Variants in ARL11 observed in about 807,000 individuals in gnomAD.
ARL11 encodes the protein ADP-ribosylation factor-like protein 11.
For missense variants in ARL11, 239 were observed against 250.6 expected, an observed-to-expected ratio of 0.95 and a Z score of 0.31; for synonymous variants, 91 against 111.2, an observed-to-expected ratio of 0.82 and a Z score of 1.15.
In ARL11 at chr13:49,628,812, C is replaced by T. The variant is rs74452499; in HGVS notation, c.-19+197C>T. ...TGGGATTCTTTAAAAACATATGTGG[C>T]TGGGCACAGTGGCTCACGCCTGTAA... On this transcript the variant is annotated intron_variant, in intron 1 of 1. Coordinates refer to ENST00000282026, the MANE Select transcript of ARL11 (RefSeq NM_138450.6). Among the ~76,000 whole-genome samples the T allele has an allele frequency of 5.2e-3, 796 of 152,266 alleles. 8 individuals are homozygous for T. Among genetic ancestry groups the T allele is most frequent in the East Asian group, 0.036 (184 of 5,180 alleles).
In ARL11 at chr13:49,633,229, C is replaced by A. The variant is rs996059999; in HGVS notation, c.*2191C>A. On this transcript the variant is annotated 3_prime_UTR_variant, in exon 2 of 2. Transcript: ENST00000282026. ...CTCTAGAAGGTTTAAGCTAGGTAGG[C>A]TTTCAGCCAGCAGACATGATGGGGA... is the stretch of plus-strand genomic sequence containing the variant. 12 of 167,004 alleles carry A rather than the reference C, an allele frequency of 7.2e-5. No individual in the cohort carries two copies. Among genetic ancestry groups the A allele is most frequent in the African/African-American group, 2.7e-4 (11 of 41,436 alleles). The allele number at this position is 167,004 out of a possible 1,614,324, so 10.3% of individuals were successfully genotyped here. A position where few individuals can be genotyped will look rare whatever the true frequency, so the allele number is the denominator to read the frequency against.
At chr13:49,629,572 A>G (rs971626971) in intron 1 of ARL11, among the ~76,000 whole-genome samples, 5 of 152,148 alleles carry the variant, frequency 3.3e-5, no homozygotes, top group African/African-American at 1.2e-4. Context: ...AGATACACGA[A>G]TACTTAGCAC....
rs1308577624 is a variant in ARL11, at chr13:49,633,797, G to C, written c.*2759G>C. The stretch of plus-strand genomic sequence containing the variant: ...CTTTTGCAGGGTGGGTACGTGTTTG[G>C]TTATAGCTGCTTTCAGATTGTTCCA... On this transcript the variant is annotated 3_prime_UTR_variant, in exon 2 of 2. Coordinates refer to ENST00000282026, the MANE Select transcript of ARL11 (RefSeq NM_138450.6). The C allele has an allele frequency of 1.2e-5, 2 of 167,074 alleles. No homozygotes were observed. The highest frequency in any genetic ancestry group is 2.9e-5 in the Non-Finnish European group (2 of 68,132). The allele number at this position is 167,074 out of a possible 1,614,324, so 10.3% of individuals were successfully genotyped here. A position where few individuals can be genotyped will look rare whatever the true frequency, so the allele number is the denominator to read the frequency against.
chr13:49,630,853 A>C lies in ARL11; in HGVS notation c.406A>C (p.Arg136=). Residue 136 remains arginine (R), a synonymous_variant, in exon 2 of 2, where the codon AGA becomes CGA. Transcript: ENST00000282026. ...APDALPLLKI[R]NRLSLERFQD... ...TGATGCACTTCCGCTGCTTAAGATCAGAAACAGGCTGAGTCTAGAGAGATT... is the reference window on the plus strand; with the variant it reads ...TGATGCACTTCCGCTGCTTAAGATCCGAAACAGGCTGAGTCTAGAGAGATT... The C allele has an allele frequency of 6.3e-7, 1 of 1,599,858 alleles. No individual in the cohort carries two copies. Among genetic ancestry groups the C allele is most frequent in the South Asian group, 1.1e-5 (1 of 89,686 alleles).
rs1964882826 is a variant in ARL11 at position 49,631,141 on chromosome 13, C to T, written c.*103C>T. ...TCAAACAAGAAATGCTGGCTTGGCC[C>T]GGTGGCTCATGCCTGTAATCCCAGC... On this transcript the variant is annotated 3_prime_UTR_variant, in exon 2 of 2. Transcript: ENST00000282026. 7.6e-6 allele frequency: 9 copies of T among 1,182,046 alleles called. No homozygotes were observed. In the East Asian group the frequency reaches 7.9e-5, roughly 10 times the overall value. The allele number at this position is 1,182,046 out of a possible 1,614,324, so 73.2% of individuals were successfully genotyped here.
chr13:49,630,689 C>T lies in ARL11; in HGVS notation c.242C>T (p.Thr81Ile). 6.2e-7 allele frequency: 1 copy of T among 1,614,154 alleles called. No individual in the cohort carries two copies. Among genetic ancestry groups the T allele is most frequent in the Non-Finnish European group, 8.5e-7 (1 of 1,180,044 alleles). Residue 81 changes from threonine (T) to isoleucine (I), a missense_variant, in exon 2 of 2, where the codon ACA becomes ATA. By Grantham distance (89) the Thr-to-Ile change is moderately conservative. Coordinates refer to ENST00000282026, the MANE Select transcript of ARL11 (RefSeq NM_138450.6). ...RASWKDYLEG[T>I]DILVYVLDST... ...AGCTGGAAGGACTATCTGGAAGGCACAGATATCCTCGTGTACGTGCTGGAC... is the reference window on the plus strand; with the variant it reads ...AGCTGGAAGGACTATCTGGAAGGCATAGATATCCTCGTGTACGTGCTGGAC...
chr13:49,629,220 G>C (rs1020765842), intron 1 of ARL11, among the ~76,000 whole-genome samples: 1 of 152,016 alleles, frequency 6.6e-6, no homozygotes, highest in Non-Finnish European at 1.5e-5. Flanking sequence ...CTGTGATCAT[G>C]CCACTGCAGT....
rs1470850558 is a variant in ARL11 at position 49,633,083 on chromosome 13, C to T, written c.*2045C>T. The T allele has an allele frequency of 6.0e-6, 1 of 166,856 alleles. No individual in the cohort carries two copies. 10.3% of individuals were successfully genotyped at this position (166,856 alleles called of 1,614,324 possible). On this transcript the variant is annotated 3_prime_UTR_variant, in exon 2 of 2. Transcript: ENST00000282026. The stretch of plus-strand genomic sequence containing the variant: ...TATTCCCATTTTATAAAACTACAAA[C>T]TGAGGCTCAGAGAAGGTGTGACCTC...
chr13:49,633,498 T>A lies in ARL11; in HGVS notation c.*2460T>A, dbSNP rs1315823985. Reference sequence around the variant, plus strand: ...GGGACTTGCCATTTAGGAGGATAATTTTGTGGTAGTGTGGAGGTGAAATAA... The same window carrying A: ...GGGACTTGCCATTTAGGAGGATAATATTGTGGTAGTGTGGAGGTGAAATAA... On this transcript the variant is annotated 3_prime_UTR_variant, in exon 2 of 2. Transcript: ENST00000282026. 6.0e-6 allele frequency: 1 copy of A among 166,962 alleles called. No homozygotes were observed. The highest frequency in any genetic ancestry group is 2.4e-5 in the African/African-American group (1 of 41,392). 10.3% of individuals were successfully genotyped at this position (166,962 alleles called of 1,614,324 possible). A position where few individuals can be genotyped will look rare whatever the true frequency, so the allele number is the denominator to read the frequency against.
Position 49,631,045 on chromosome 13 carries a change from C to T in ARL11, c.*7C>T. On this transcript the variant is annotated 3_prime_UTR_variant, in exon 2 of 2. Coordinates refer to ENST00000282026, the MANE Select transcript of ARL11 (RefSeq NM_138450.6). ...AGACAGCAAGAGATCTTGATCCAGA[C>T]AGAGCAGCATATCTTTGCTCATACA... The T allele has an allele frequency of 2.6e-6, 4 of 1,548,388 alleles. No homozygotes were observed. The highest frequency in any genetic ancestry group is 3.5e-6 in the Non-Finnish European group (4 of 1,142,994).
intron 1 of ARL11, chr13:49,630,212 C>T: frequency 2.1e-6 from 1 of 468,090 alleles, no homozygotes; most frequent in Non-Finnish European, 3.8e-6. Flanking sequence ...CGTTGTTTGC[C>T]TGCACAGATT....
In ARL11 at chr13:49,632,631, T is replaced by C; in HGVS notation, c.*1593T>C. The stretch of plus-strand genomic sequence containing the variant: ...GAGTTTTTTAATGGCAAGTGGCCTA[T>C]ATTTAGCACCTGTTCTCATGTTAAA... On this transcript the variant is annotated 3_prime_UTR_variant, in exon 2 of 2. Transcript: ENST00000282026. 6.0e-6 allele frequency: 1 copy of C among 167,200 alleles called. No homozygotes were observed. The allele number at this position is 167,200 out of a possible 1,614,324, so 10.4% of individuals were successfully genotyped here. A position where few individuals can be genotyped will look rare whatever the true frequency, so the allele number is the denominator to read the frequency against.
Position 49,630,520 on chromosome 13 carries a change from A to C in ARL11, c.73A>C (p.Lys25Gln). The C allele has an allele frequency of 1.9e-6, 3 of 1,613,944 alleles. No homozygotes were observed. Among genetic ancestry groups the C allele is most frequent in the Non-Finnish European group, 8.5e-7 (1 of 1,180,012 alleles). ...GATGATGGGCCTGGACTCGGCGGGC[A>C]AGACCACGCTCCTTTACAAGCTGAA... The part of the protein sequence containing the change: ...VVMMGLDSAG[K>Q]TTLLYKLKGH... Residue 25 changes from lysine to glutamine, a missense_variant, in exon 2 of 2, where the codon AAG becomes CAG. Physicochemically the swap from Lys to Gln is moderately conservative, Grantham distance 53. Coordinates refer to ENST00000282026, the MANE Select transcript of ARL11 (RefSeq NM_138450.6).
Position 49,632,201 on chromosome 13 carries a change from C to T in ARL11, c.*1163C>T, listed in dbSNP as rs988725570. On this transcript the variant is annotated 3_prime_UTR_variant, in exon 2 of 2. Transcript: ENST00000282026. ...GTAGCACATATCTTTCGTTAAAGAT[C>T]AGATCAATAAAATATTTTATTTATT... is the stretch of plus-strand genomic sequence containing the variant. 4.8e-5 allele frequency: 8 copies of T among 166,680 alleles called. No homozygotes were observed. The highest frequency in any genetic ancestry group is 1.9e-4 in the African/African-American group (8 of 41,338). 10.3% of individuals were successfully genotyped at this position (166,680 alleles called of 1,614,324 possible).
At chr13:49,629,327 G>T (rs1290036995) in intron 1 of ARL11, among the ~76,000 whole-genome samples, 5 of 152,166 alleles carry the variant, frequency 3.3e-5, no homozygotes, top group Non-Finnish European at 5.9e-5. Context: ...CATGTGGAGT[G>T]TTGTAGAAGT....
rs1217219932 is a variant in ARL11, at chr13:49,632,995, G to A, written c.*1957G>A. On this transcript the variant is annotated 3_prime_UTR_variant, in exon 2 of 2. Coordinates refer to ENST00000282026, the MANE Select transcript of ARL11 (RefSeq NM_138450.6). ...TTTATTGAGCACTTACTTGGACCAAGCACTGTGGTCTTGGTGTTTTACATA... is the reference window on the plus strand; with the variant it reads ...TTTATTGAGCACTTACTTGGACCAAACACTGTGGTCTTGGTGTTTTACATA... 6.0e-6 allele frequency: 1 copy of A among 166,900 alleles called. No individual in the cohort carries two copies. Among genetic ancestry groups the A allele is most frequent in the Admixed American group, 6.5e-5 (1 of 15,290 alleles). The allele number at this position is 166,900 out of a possible 1,614,324, so 10.3% of individuals were successfully genotyped here.
rs938958889 is a variant in ARL11, at chr13:49,633,632, G to C, written c.*2594G>C. On this transcript the variant is annotated 3_prime_UTR_variant, in exon 2 of 2. Coordinates refer to ENST00000282026, the MANE Select transcript of ARL11 (RefSeq NM_138450.6). The stretch of plus-strand genomic sequence containing the variant: ...TGAGAAAATTGAGAGCTATTATTAA[G>C]AAAAACAGTTGAGAGAGGAAGAATT... 6 of 167,172 alleles carry C rather than the reference G, an allele frequency of 3.6e-5. No homozygotes were observed. Among genetic ancestry groups the C allele is most frequent in the African/African-American group, 1.4e-4 (6 of 41,548 alleles). 10.4% of individuals were successfully genotyped at this position (167,172 alleles called of 1,614,324 possible).
At chr13:49,629,493 A>G (rs780167537) in intron 1 of ARL11, among the ~76,000 whole-genome samples, 7 of 152,130 alleles carry the variant, frequency 4.6e-5, no homozygotes, top group Non-Finnish European at 1.0e-4. Context: ...CCATAAGATT[A>G]TAACAGAGCT....
At position 49,631,017 on chromosome 13, in the gene ARL11, C is replaced by T. The variant is rs35363768; in HGVS notation, c.570C>T (p.Arg190=). The T allele has an allele frequency of 2.1e-3, 3,325 of 1,589,766 alleles. 68 individuals are homozygous for T. In the African/African-American group the frequency reaches 0.04, roughly 19 times the overall value. ...AGGCGAGAGCCCATGGGGCTGAGCGCGGAGACAGCAAGAGATCTTGATCCA... is the reference window on the plus strand; with the variant it reads ...AGGCGAGAGCCCATGGGGCTGAGCGTGGAGACAGCAAGAGATCTTGATCCA... The part of the protein sequence containing the change: ...CLQARAHGAE[R]GDSKRS Residue 190 remains arginine (R), a synonymous_variant, in exon 2 of 2, where the codon CGC becomes CGT. Coordinates refer to ENST00000282026, the MANE Select transcript of ARL11 (RefSeq NM_138450.6).
Sources: gnomAD v4.1 joint callset for allele counts (sites outside exome capture counted in the v4.1 genomes callset) on GRCh38, gnomAD v4.1.1 for gene constraint, MANE v1.5 for transcripts, NCBI Gene and HGNC (gene_info 2026-07-23, HGNC 2026-07-21) for gene names.